GMEB2: variants seen among roughly 807,000 people sequenced by gnomAD.
GMEB2 encodes the protein glucocorticoid modulatory element binding protein 2.
GMEB2 carries 7 observed loss-of-function variants against 45.7 expected under a neutral mutation model. That is an observed-to-expected ratio of 0.15 (90% confidence interval 0.09 to 0.29). The LOEUF (loss-of-function observed/expected upper bound fraction) is 0.29. GMEB2 is among the 10% of genes least tolerant of loss of function. GMEB2 has a pLI of 1.00. For missense variants in GMEB2, 582 were observed against 739.2 expected, an observed-to-expected ratio of 0.79 and a Z score of 2.47; for synonymous variants, 322 against 323.6, an observed-to-expected ratio of 1.00 and a Z score of 0.05.
rs143224533 is a variant in GMEB2 at position 63,592,425 on chromosome 20, C to G, written c.829+108G>C. ...GGAGTCCCAAGCCTAGATTCAGCCT[C>G]CAACCCAGCAGCACAGAAGGGCCTA... On this transcript the variant is annotated intron_variant, in intron 8 of 9. Transcript: ENST00000370077. This position sits in a 1 kb window ranked among gnomAD's most constrained non-coding sequence, Gnocchi z 8.2. 1,326 of 853,904 alleles carry G rather than the reference C, an allele frequency of 1.6e-3. 27 individuals carry two copies. In the East Asian group the frequency reaches 0.033, roughly 21 times the overall value. 52.9% of individuals were successfully genotyped at this position (853,904 alleles called of 1,614,324 possible).
intron 2 of GMEB2, among the ~76,000 whole-genome samples, chr20:63,616,955 A>C (rs2089613180): frequency 6.6e-6 from 1 of 151,384 alleles, no homozygotes; most frequent in Non-Finnish European, 1.5e-5. Context: ...GCCCTCATCC[A>C]GTAAGACTTT....
rs961147966 is a variant in GMEB2, at chr20:63,592,082, G to A, written c.892C>T (p.Leu298=). 3.7e-6 allele frequency: 6 copies of A among 1,613,300 alleles called. No homozygotes were observed. The East Asian group carries it at 1.3e-4, about 36-fold the overall frequency. ...FGMLDLVKKV[L]ASHKCQMDRS... ...TCCATCTGGCACTTGTGGCTGGCCA[G>A]CACCTTCTTCACCAGGTCCAGCATG... is the stretch of plus-strand genomic sequence containing the variant. The change falls in exon 9 of 10, where the codon CTG becomes TTG. Residue 298 remains leucine (L), a synonymous_variant. Transcript: ENST00000370077. This position sits in a 1 kb window ranked among gnomAD's most constrained non-coding sequence, Gnocchi z 8.2.
At chr20:63,599,129 C>T (rs946456484) in intron 4 of GMEB2, among the ~76,000 whole-genome samples, 8 of 152,074 alleles carry the variant, frequency 5.3e-5, no homozygotes, top group African/African-American at 1.9e-4. Flanking sequence ...CCACTCCTGA[C>T]CCCCCAGAGC....
At chr20:63,599,590 G>A (rs779537571) in intron 4 of GMEB2, among the ~76,000 whole-genome samples, 10 of 152,198 alleles carry the variant, frequency 6.6e-5, no homozygotes, top group Non-Finnish European at 1.2e-4. Flanking sequence ...GGGAGCTCAC[G>A]GCCGGCGGGA....
intron 4 of GMEB2, among the ~76,000 whole-genome samples, chr20:63,599,870 G>A (rs1329980904): frequency 1.3e-5 from 2 of 152,178 alleles, no homozygotes; most frequent in African/African-American, 4.8e-5. Flanking sequence ...GAGTGAAGCA[G>A]AGACGTCGGG....
chr20:63,593,667 G>A lies in GMEB2; in HGVS notation c.620-585C>T, dbSNP rs969334572. Among the ~76,000 whole-genome samples, 5 of 151,442 alleles carry A rather than the reference G, an allele frequency of 3.3e-5. No individual in the cohort carries two copies. The highest frequency in any genetic ancestry group is 7.4e-5 in the Non-Finnish European group (5 of 68,024). ...CCTGCAGAACACAACTGGGCGTGTC[G>A]TTCATATGTGGCCATTTTGGGCGTT... On this transcript the variant is annotated intron_variant, in intron 6 of 9. Coordinates refer to ENST00000370077, the MANE Select transcript of GMEB2 (RefSeq NM_012384.5). This position sits in a 1 kb window ranked among gnomAD's most constrained non-coding sequence, Gnocchi z 4.7.
Position 63,588,784 on chromosome 20 carries a change from G to C in GMEB2, c.*1305C>G, listed in dbSNP as rs1199371445. 5.0e-6 allele frequency: 2 copies of C among 398,612 alleles called. No homozygotes were observed. The highest frequency in any genetic ancestry group is 7.1e-5 in the East Asian group (2 of 28,112). The allele number at this position is 398,612 out of a possible 1,614,324, so 24.7% of individuals were successfully genotyped here. A position where few individuals can be genotyped will look rare whatever the true frequency, so the allele number is the denominator to read the frequency against. On this transcript the variant is annotated 3_prime_UTR_variant, in exon 10 of 10. Coordinates refer to ENST00000370077, the MANE Select transcript of GMEB2 (RefSeq NM_012384.5). ...AATCTGGCACTCAGGGTCCTCCCGGGACATGCCCTGTTGGAGACGGCAGGA... is the reference window on the plus strand; with the variant it reads ...AATCTGGCACTCAGGGTCCTCCCGGCACATGCCCTGTTGGAGACGGCAGGA...
At chr20:63,591,164 A>G (rs1027926685) in intron 9 of GMEB2, among the ~76,000 whole-genome samples, 4 of 152,152 alleles carry the variant, frequency 2.6e-5, no homozygotes, top group African/African-American at 9.7e-5. Context: ...CATGTGTTTA[A>G]ACATAAACAT....
intron 4 of GMEB2, 45 bp downstream of exon 4, chr20:63,602,920 A>T: frequency 6.3e-7 from 1 of 1,584,514 alleles, no homozygotes; most frequent in Non-Finnish European, 8.6e-7. Context: ...AGTCACAGAC[A>T]CCATGAGGCC....
At chr20:63,617,005 C>G (rs973223964) in intron 2 of GMEB2, among the ~76,000 whole-genome samples, 10 of 151,090 alleles carry the variant, frequency 6.6e-5, no homozygotes, top group Non-Finnish European at 1.0e-4. Context: ...GACTGGGTCT[C>G]ACTCTATCAC....
chr20:63,597,000 G>C (rs952649590), intron 5 of GMEB2, among the ~76,000 whole-genome samples: 13 of 143,790 alleles, frequency 9.0e-5, no homozygotes, highest in African/African-American at 3.3e-4. Context: ...CTGGGCAACA[G>C]AGCAAGACTC....
chr20:63,598,148 C>T (rs753877170), intron 4 of GMEB2, among the ~76,000 whole-genome samples: 19 of 152,206 alleles, frequency 1.2e-4, no homozygotes, highest in Non-Finnish European at 1.6e-4. Context: ...AGGTGTGTGG[C>T]CTTCTCTTCC....
At chr20:63,612,635 A>C (rs1368174048) in intron 2 of GMEB2, among the ~76,000 whole-genome samples, 1 of 152,244 alleles carries the variant, frequency 6.6e-6, no homozygotes, top group African/African-American at 2.4e-5. Context: ...TCAAGGCAAC[A>C]GAAGTGAGCA....
rs2146046727 is a variant in GMEB2, at chr20:63,593,307, G to A, written c.620-225C>T. ...AAACATACAAAGGAGAAACAACGCA[G>A]AAACAAATCCCTTGAACCCGTCACC... On this transcript the variant is annotated intron_variant, in intron 6 of 9. Transcript: ENST00000370077. This position sits in a 1 kb window ranked among gnomAD's most constrained non-coding sequence, Gnocchi z 4.7. Among the ~76,000 whole-genome samples the A allele has an allele frequency of 6.6e-6, 1 of 152,126 alleles. No individual in the cohort carries two copies. Among genetic ancestry groups the A allele is most frequent in the African/African-American group, 2.4e-5 (1 of 41,486 alleles).
At chr20:63,614,944 C>T (rs1210789231) in intron 2 of GMEB2, among the ~76,000 whole-genome samples, 1 of 152,154 alleles carries the variant, frequency 6.6e-6, no homozygotes, top group East Asian at 1.9e-4. Flanking sequence ...CATTCGGGGC[C>T]GCTACCAGTC....
chr20:63,602,929 C>A, intron 4 of GMEB2, 36 bp downstream of exon 4: 1 of 1,574,334 alleles, frequency 6.4e-7, no homozygotes, highest in South Asian at 1.1e-5. Flanking sequence ...CACCATGAGG[C>A]CTCTCTCCTG....
rs2083191678 is a variant in GMEB2 at position 63,595,668 on chromosome 20, C to T, written c.561G>A (p.Val187=). The T allele has an allele frequency of 1.9e-6, 3 of 1,613,900 alleles. No individual in the cohort carries two copies. The African/African-American group carries it at 4.0e-5, about 22-fold the overall frequency. The change falls in exon 6 of 10, where the codon GTG becomes GTA. Residue 187 remains valine (V), a synonymous_variant. Coordinates refer to ENST00000370077, the MANE Select transcript of GMEB2 (RefSeq NM_012384.5). ...CGGCCGACGTGGGGCTGCTCAGGGA[C>T]ACACGGGCTCCTGAGAGGTCAATCT... ...STKIDLSGAR[V]SLSSPTSAEY...
chr20:63,590,739 G>A lies in GMEB2; in HGVS notation c.953-10C>T. ...CACTGCTGCTCCAGGGCTGCAGGGA[G>A]GTACAGATGGCATCACACAGGGGAC... On this transcript the variant is annotated splice_polypyrimidine_tract_variant and intron_variant, in intron 9 of 9. Transcript: ENST00000370077. 11 of 1,477,298 alleles carry A rather than the reference G, an allele frequency of 7.4e-6. No individual in the cohort carries two copies. Among genetic ancestry groups the A allele is most frequent in the Non-Finnish European group, 9.9e-6 (11 of 1,107,138 alleles). The allele number at this position is 1,477,298 out of a possible 1,614,324, so 91.5% of individuals were successfully genotyped here.
At chr20:63,597,186 G>C (rs2083206717) in intron 5 of GMEB2, among the ~76,000 whole-genome samples, 1 of 119,788 alleles carries the variant, frequency 8.3e-6, no homozygotes, top group Non-Finnish European at 1.7e-5. Context: ...TTTTGAGACA[G>C]AGTCTCACTC....
Sources: allele counts gnomAD v4.1 joint callset (sites outside exome capture counted in the v4.1 genomes callset), GRCh38; gene constraint gnomAD v4.1.1; non-coding constraint Gnocchi (gnomAD v3.1); transcripts MANE v1.5; gene names NCBI Gene and HGNC (gene_info 2026-07-23, HGNC 2026-07-21).